Variants in FARP2 observed in about 807,000 individuals in gnomAD.
FARP2 encodes the protein FERM, ARH/RhoGEF and pleckstrin domain protein 2.
Under a neutral mutation model 130.5 loss-of-function variants are expected in FARP2, and 111 were observed. The ratio of observed to expected loss-of-function variants is 0.85; its 90% CI spans 0.73 to 1.00. FARP2 has a LOEUF of 1.00. Among genes scored for constraint, FARP2 ranks in the 50% least tolerant of loss-of-function variants. The pLI is 0.00. For synonymous variants in FARP2, 504 were observed against 516.9 expected, an observed-to-expected ratio of 0.98 and a Z score of 0.34; for missense variants, 1,385 against 1,346.3, an observed-to-expected ratio of 1.03 and a Z score of -0.45.
At chr2:241,382,250 G>A (rs200445308) in intron 2 of FARP2, among the ~76,000 whole-genome samples, 1 of 150,452 alleles carries the variant, frequency 6.6e-6, no homozygotes, top group African/African-American at 2.4e-5. Flanking sequence ...AGTTTTTAAT[G>A]GCTATATAGT....
At chr2:241,448,083 A>C (rs2063552945) in intron 13 of FARP2, among the ~76,000 whole-genome samples, 1 of 152,186 alleles carries the variant, frequency 6.6e-6, no homozygotes, top group Non-Finnish European at 1.5e-5. Flanking sequence ...CATGTTCTAG[A>C]AAGGCACTTG....
At chr2:241,488,865 A>G (rs1238495060) in intron 21 of FARP2, 1 of 152,220 alleles carries the variant, frequency 6.6e-6, no homozygotes, top group Non-Finnish European at 1.5e-5. Flanking sequence ...GTCCAGCATC[A>G]GTCCACTCTC....
At position 241,394,879 on chromosome 2, in the gene FARP2, G is replaced by A. The variant is rs182404412; in HGVS notation, c.184-8949G>A. ...TTTTGCACGCTTGAGGACCTGTCCC[G>A]AATGAACCCTACTCCCTACTCAGGA... On this transcript the variant is annotated intron_variant, in intron 2 of 26. Transcript: ENST00000264042. Among the ~76,000 whole-genome samples the A allele has an allele frequency of 1.4e-4, 21 of 152,284 alleles. No individual in the cohort carries two copies. The East Asian group carries it at 1.5e-3, about 11-fold the overall frequency.
chr2:241,416,550 C>G (rs560235924), intron 7 of FARP2, among the ~76,000 whole-genome samples: 91 of 152,280 alleles, frequency 6.0e-4, no homozygotes, highest in Non-Finnish European at 9.7e-4. Flanking sequence ...CAGTGATCCA[C>G]TGAAAACACC....
intron 19 of FARP2, among the ~76,000 whole-genome samples, chr2:241,480,219 A>G (rs937176778): frequency 1.3e-5 from 2 of 152,166 alleles, no homozygotes; most frequent in African/African-American, 4.8e-5. Context: ...TCTGGTTTCC[A>G]GTGCTTCTGG....
At chr2:241,391,556 C>T (rs1176104802) in intron 2 of FARP2, among the ~76,000 whole-genome samples, 1 of 152,148 alleles carries the variant, frequency 6.6e-6, no homozygotes, top group Non-Finnish European at 1.5e-5. Context: ...ATTCTCGGGC[C>T]CACCTTCCCC....
At chr2:241,488,913 G>A (rs935799616) in intron 21 of FARP2, 3 of 152,154 alleles carry the variant, frequency 2.0e-5, no homozygotes, top group Non-Finnish European at 4.4e-5. Context: ...TCACTGTTTG[G>A]TGAACACATT....
chr2:241,417,855 C>T, intron 7 of FARP2, 107 bp from the exon 8 acceptor site: 2 of 1,266,160 alleles, frequency 1.6e-6, no homozygotes, highest in Admixed American at 1.9e-5. Context: ...GCCCTCTAAA[C>T]ACACAAAGCC....
At chr2:241,416,585 A>G (rs1325219698) in intron 7 of FARP2, among the ~76,000 whole-genome samples, 1 of 152,240 alleles carries the variant, frequency 6.6e-6, no homozygotes, top group African/African-American at 2.4e-5. Context: ...ATAGGATATT[A>G]AAGAAGTGTT....
At chr2:241,450,635 G>A (rs2063628648) in intron 13 of FARP2, among the ~76,000 whole-genome samples, 1 of 150,148 alleles carries the variant, frequency 6.7e-6, no homozygotes, top group Non-Finnish European at 1.5e-5. Context: ...CACTGCAATT[G>A]CACTCCAGCC....
intron 2 of FARP2, among the ~76,000 whole-genome samples, chr2:241,399,604 C>T (rs1419636040): frequency 1.3e-5 from 2 of 152,180 alleles, no homozygotes; most frequent in Non-Finnish European, 2.9e-5. Context: ...GCCACCACAC[C>T]CAGCCTCTTT....
At chr2:241,404,651 A>G in intron 3 of FARP2, 148 bp from the exon 4 acceptor site, 1 of 587,368 alleles carries the variant, frequency 1.7e-6, no homozygotes, top group South Asian at 2.2e-5. Context: ...TTGTTTTATC[A>G]GGATTCAACC....
intron 10 of FARP2, 34 bp from the exon 11 acceptor site, chr2:241,434,928 G>GAATTTAATAA (rs767589241): frequency 3.9e-6 from 5 of 1,271,656 alleles, no homozygotes; most frequent in Non-Finnish European, 5.7e-6. Flanking sequence ...CTGACTTACT[G>GAATTTAATAA]TTCTTTATTA....
At chr2:241,481,283 C>G (rs2064609349) in intron 19 of FARP2, among the ~76,000 whole-genome samples, 1 of 152,152 alleles carries the variant, frequency 6.6e-6, no homozygotes, top group Non-Finnish European at 1.5e-5. Flanking sequence ...TTGATTCTAT[C>G]CCATGGTCTA....
At position 241,484,303 on chromosome 2, in the gene FARP2, G is replaced by A. The variant is rs1404586977; in HGVS notation, c.2393G>A (p.Arg798Gln). 21 of 1,613,918 alleles carry A rather than the reference G, an allele frequency of 1.3e-5. No homozygotes were observed. Among genetic ancestry groups the A allele is most frequent in the East Asian group, 2.2e-5 (1 of 44,878 alleles). ...GCAGGGACCAGCCACTTCCGGATCCGGGGCCTCCTTCCCCTCCAAGGCATG... is the reference window on the plus strand; with the variant it reads ...GCAGGGACCAGCCACTTCCGGATCCAGGGCCTCCTTCCCCTCCAAGGCATG... ...GVAGTSHFRIRGLLPLQGMLV... is the reference protein window; with the variant it reads ...GVAGTSHFRIQGLLPLQGMLV... Residue 798 changes from arginine (R) to glutamine (Q), a missense_variant, in exon 21 of 27, where the codon CGG (arginine) becomes CAG (glutamine). Arg to Gln is a conservative substitution (Grantham distance 43). Transcript: ENST00000264042.
intron 2 of FARP2, among the ~76,000 whole-genome samples, chr2:241,373,527 T>C (rs931810213): frequency 2.6e-5 from 4 of 152,224 alleles, no homozygotes; most frequent in Non-Finnish European, 4.4e-5. Flanking sequence ...TCATCTTCTT[T>C]CGTGAGAGGC....
At chr2:241,470,048 T>G (rs1365103859) in intron 18 of FARP2, among the ~76,000 whole-genome samples, 1 of 152,148 alleles carries the variant, frequency 6.6e-6, no homozygotes, top group Non-Finnish European at 1.5e-5. Flanking sequence ...CAGGCTCCTT[T>G]CCCTCCATGA....
intron 2 of FARP2, among the ~76,000 whole-genome samples, chr2:241,375,162 A>G (rs2150304373): frequency 6.6e-6 from 1 of 152,134 alleles, no homozygotes; most frequent in East Asian, 1.9e-4. Context: ...CATGTTAGCC[A>G]GTATGGTCTC....
chr2:241,466,586 G>C (rs1230996054), intron 17 of FARP2: 1 of 985,210 alleles, frequency 1.0e-6, no homozygotes, highest in African/African-American at 1.7e-5. Flanking sequence ...AGCGAGTGTG[G>C]ATGCATAGAC....
Sources: gnomAD v4.1 joint callset for allele counts (sites outside exome capture counted in the v4.1 genomes callset) on GRCh38, gnomAD v4.1.1 for gene constraint, MANE v1.5 for transcripts, NCBI Gene and HGNC (gene_info 2026-07-23, HGNC 2026-07-21) for gene names.